The following COG5 variants were observed in gnomAD, a reference collection of about 807,000 sequenced individuals.
COG5 encodes the protein component of oligomeric golgi complex 5, also known as conserved oligomeric Golgi complex subunit 5.
In COG5, 86 loss-of-function variants were observed where a neutral mutation model predicts 110.4. The observed-to-expected ratio is 0.78, with a 90% CI of 0.65 to 0.93. COG5 has a LOEUF of 0.93. Among genes scored for constraint, COG5 ranks in the 40% least tolerant of loss-of-function variants. The pLI is 0.00. For missense variants in COG5, 1,077 were observed against 987.0 expected (o/e 1.09, Z -1.22); for synonymous variants, 360 against 334.6 (o/e 1.08, Z -0.83).
chr7:107,320,611 G>C (rs766537906), intron 11 of COG5, among the ~76,000 whole-genome samples: 37 of 152,162 alleles, frequency 2.4e-4, no homozygotes, highest in Non-Finnish European at 1.3e-4. Context: ...GGTTGTCCAA[G>C]TCTAAAACTG....
rs530359480 is a variant in COG5 at position 107,550,670 on chromosome 7, C to T, written c.293-2338G>A. Among the ~76,000 whole-genome samples the T allele has an allele frequency of 2.0e-5, 3 of 152,266 alleles. No individual in the cohort carries two copies. The South Asian group carries it at 6.2e-4, about 32-fold the overall frequency. On this transcript the variant is annotated intron_variant, in intron 3 of 21. Coordinates refer to ENST00000297135, the MANE Select transcript of COG5 (RefSeq NM_006348.5). ...CCCTCTCCTTCATCCATCCCCATCACCTGTTTTATTTTCTCTATAGAATTT... is the reference window on the plus strand; with the variant it reads ...CCCTCTCCTTCATCCATCCCCATCATCTGTTTTATTTTCTCTATAGAATTT...
At chr7:107,433,383 C>G (rs1053154647) in intron 6 of COG5, among the ~76,000 whole-genome samples, 2 of 152,114 alleles carry the variant, frequency 1.3e-5, no homozygotes, top group African/African-American at 4.8e-5. Flanking sequence ...GGACCCCAAA[C>G]AGCCAAAACA....
At chr7:107,483,068 C>A (rs1404464319) in intron 6 of COG5, among the ~76,000 whole-genome samples, 1 of 152,084 alleles carries the variant, frequency 6.6e-6, no homozygotes, top group African/African-American at 2.4e-5. Context: ...AAACATTTTT[C>A]TTTTGCTGTT....
At chr7:107,240,760 C>T (rs1395070542) in intron 17 of COG5, among the ~76,000 whole-genome samples, 2 of 152,160 alleles carry the variant, frequency 1.3e-5, no homozygotes, top group Non-Finnish European at 2.9e-5. Flanking sequence ...AAATGACATG[C>T]CATTACAGAA....
intron 7 of COG5, among the ~76,000 whole-genome samples, chr7:107,385,070 T>C (rs1221721472): frequency 1.3e-5 from 2 of 152,208 alleles, no homozygotes; most frequent in East Asian, 1.9e-4. Flanking sequence ...TACTGAATTA[T>C]AGTGGGCCTT....
intron 5 of COG5, among the ~76,000 whole-genome samples, chr7:107,533,333 G>C (rs1215710670): frequency 6.6e-6 from 1 of 151,664 alleles, no homozygotes; most frequent in African/African-American, 2.4e-5. Context: ...CAAATTGACA[G>C]AAGGAGACTT....
chr7:107,512,869 T>C (rs1319258264), intron 6 of COG5, among the ~76,000 whole-genome samples: 1 of 151,184 alleles, frequency 6.6e-6, no homozygotes, highest in African/African-American at 2.4e-5. Flanking sequence ...ACTGGATCCC[T>C]TCCTTACACC....
intron 19 of COG5, among the ~76,000 whole-genome samples, chr7:107,216,466 C>T (rs1483908467): frequency 1.3e-5 from 2 of 152,188 alleles, no homozygotes; most frequent in East Asian, 1.9e-4. Context: ...CAAGTGCACA[C>T]GTATCTTGCT....
At chr7:107,282,968 C>G (rs1166038820) in intron 13 of COG5, among the ~76,000 whole-genome samples, 25 of 152,322 alleles carry the variant, frequency 1.6e-4, no homozygotes, top group Non-Finnish European at 1.9e-4. Flanking sequence ...TTAGTCATGA[C>G]AGAAACTGAG....
At chr7:107,342,351 AAAAC>A (rs1185797470) in intron 10 of COG5, among the ~76,000 whole-genome samples, 6 of 150,044 alleles carry the variant, frequency 4.0e-5, no homozygotes, top group Non-Finnish European at 7.4e-5. Context: ...TAAAAGAGTC[AAAAC>A]AAACAAACAA....
intron 8 of COG5, among the ~76,000 whole-genome samples, chr7:107,371,092 G>T (rs1303911215): frequency 1.3e-5 from 2 of 152,054 alleles, no homozygotes; most frequent in African/African-American, 4.8e-5. Flanking sequence ...TAATTGCTGG[G>T]AAAAGCCAAG....
At chr7:107,522,622 AAAAAAT>A (rs1383947673) in intron 6 of COG5, among the ~76,000 whole-genome samples, 1 of 152,176 alleles carries the variant, frequency 6.6e-6, no homozygotes, top group African/African-American at 2.4e-5. Flanking sequence ...GAAGAAAAGA[AAAAAAT>A]AAAAATAAAA....
intron 17 of COG5, among the ~76,000 whole-genome samples, chr7:107,242,463 G>A (rs545102968): frequency 5.9e-5 from 9 of 152,258 alleles, no homozygotes; most frequent in East Asian, 1.9e-4. Flanking sequence ...TCTCTTCACC[G>A]GGCAGGCCTG....
chr7:107,344,547 G>A (rs536735988), intron 10 of COG5, among the ~76,000 whole-genome samples: 24 of 152,150 alleles, frequency 1.6e-4, no homozygotes, highest in East Asian at 1.9e-4. Flanking sequence ...TATTTTAGAC[G>A]GAGTTTCACT....
chr7:107,357,081 T>C (rs529214823), intron 10 of COG5, among the ~76,000 whole-genome samples: 49 of 152,216 alleles, frequency 3.2e-4, no homozygotes, highest in Non-Finnish European at 6.3e-4. Context: ...CAAATCATTC[T>C]AAAAATCCTG....
intron 16 of COG5, among the ~76,000 whole-genome samples, chr7:107,250,430 G>A (rs181885652): frequency 5.8e-4 from 87 of 150,596 alleles, no homozygotes; most frequent in African/African-American, 1.9e-3. Context: ...TCACCAACAT[G>A]CTTATAAAAA....
At chr7:107,358,072 C>A (rs894087947) in intron 10 of COG5, among the ~76,000 whole-genome samples, 4 of 151,948 alleles carry the variant, frequency 2.6e-5, no homozygotes, top group Non-Finnish European at 5.9e-5. Context: ...AGAAACTCTA[C>A]CCAATGTAAT....
At chr7:107,442,700 G>A (rs528765407) in intron 6 of COG5, among the ~76,000 whole-genome samples, 4 of 149,026 alleles carry the variant, frequency 2.7e-5, no homozygotes, top group African/African-American at 9.9e-5. Context: ...CTGTCACCAA[G>A]AGAGATAATT....
Position 107,341,805 on chromosome 7 carries a change from T to C in COG5, c.1027-17284A>G, listed in dbSNP as rs186819472. On this transcript the variant is annotated intron_variant, in intron 10 of 21. Transcript: ENST00000297135. ...AAACGACTTCTTATTCAATAAATGGTCCTGGGATAACTGGTAAGCCATAGG... is the reference window on the plus strand; with the variant it reads ...AAACGACTTCTTATTCAATAAATGGCCCTGGGATAACTGGTAAGCCATAGG... 6.2e-4 allele frequency among the ~76,000 whole-genome samples: 94 copies of C among 152,262 alleles called. No individual in the cohort carries two copies. The Middle Eastern group carries it at 0.01, about 17-fold the overall frequency.
Sources: gnomAD v4.1 joint callset for allele counts (sites outside exome capture counted in the v4.1 genomes callset) on GRCh38, gnomAD v4.1.1 for gene constraint, MANE v1.5 for transcripts, NCBI Gene and HGNC (gene_info 2026-07-23, HGNC 2026-07-21) for gene names.